ZC3H7A: variants seen among roughly 807,000 people sequenced by gnomAD.
ZC3H7A encodes the protein zinc finger CCCH domain-containing protein 7A.
ZC3H7A carries 44 observed loss-of-function variants against 125.5 expected under a neutral mutation model. The ratio of observed to expected loss-of-function variants is 0.35; its 90% CI spans 0.28 to 0.45. The LOEUF (loss-of-function observed/expected upper bound fraction) is 0.45. Among genes scored for constraint, ZC3H7A ranks in the 20% least tolerant of loss-of-function variants. The probability of loss-of-function intolerance (pLI) is 1.00; values close to 1 mark genes in which losing one functional copy is unlikely to be tolerated. For missense variants in ZC3H7A, 977 were observed against 1,170.7 expected (o/e 0.83, Z 2.41); for synonymous variants, 399 against 391.2 (o/e 1.02, Z -0.23).
intron 15 of ZC3H7A, chr16:11,764,829 C>T (rs1383871002): frequency 5.4e-6 from 2 of 370,072 alleles, no homozygotes; most frequent in African/African-American, 4.3e-5. Flanking sequence ...TCATGAGAAA[C>T]TATACATCAA....
At chr16:11,791,899 A>C (rs886758349) in intron 1 of ZC3H7A, among the ~76,000 whole-genome samples, 6 of 152,176 alleles carry the variant, frequency 3.9e-5, no homozygotes, top group African/African-American at 7.2e-5. Flanking sequence ...ATTCCAGGGA[A>C]GAAGGCACTT....
chr16:11,779,331 A>T lies in ZC3H7A; in HGVS notation c.141T>A (p.Phe47Leu). 1 of 1,613,970 alleles carries T rather than the reference A, an allele frequency of 6.2e-7. No individual in the cohort carries two copies. Among genetic ancestry groups the T allele is most frequent in the Non-Finnish European group, 8.5e-7 (1 of 1,179,966 alleles). Residue 47 changes from phenylalanine (F) to leucine (L), a missense_variant, in exon 4 of 23, where the codon TTT becomes TTA. Transcript: ENST00000355758. ...CCCGATAAACGTCATTTCCTTCATT[A>T]AAAAGATTTCTCACGAGAGCACGCA... ...VYLRALVRNL[F>L]NEGNDVYREH...
At chr16:11,769,630 G>A (rs193287669) in intron 10 of ZC3H7A, among the ~76,000 whole-genome samples, 7 of 137,996 alleles carry the variant, frequency 5.1e-5, no homozygotes, top group East Asian at 2.4e-4. Context: ...AGAATCGCTT[G>A]AACCCAAGAG....
chr16:11,770,840 A>C lies in ZC3H7A; in HGVS notation c.1051T>G (p.Ser351Ala). 1 of 1,614,214 alleles carries C rather than the reference A, an allele frequency of 6.2e-7. No homozygotes were observed. Among genetic ancestry groups the C allele is most frequent in the Non-Finnish European group, 8.5e-7 (1 of 1,180,034 alleles). ...AAAGAAGAACAAAAATCTTCTAAGG[A>C]TGAAGTCAAAGGTGGATAAAATTCT... ...FSEFYPPLTS[S>A]LEDFCSSLNS... Residue 351 changes from serine (S) to alanine (A), a missense_variant, in exon 10 of 23, where the codon TCC becomes GCC. Physicochemically the swap from Ser to Ala is moderately conservative, Grantham distance 99. Coordinates refer to ENST00000355758, the MANE Select transcript of ZC3H7A (RefSeq NM_014153.4).
Position 11,758,477 on chromosome 16 carries a change from A to G in ZC3H7A, c.2382T>C (p.His794=). 6.2e-7 allele frequency: 1 copy of G among 1,613,926 alleles called. No individual in the cohort carries two copies. The highest frequency in any genetic ancestry group is 1.1e-5 in the South Asian group (1 of 91,070). The change falls in exon 20 of 23, where the codon CAT becomes CAC. Residue 794 remains histidine, a synonymous_variant. Coordinates refer to ENST00000355758, the MANE Select transcript of ZC3H7A (RefSeq NM_014153.4). ...CQYVGNCSFA[H]SPEEREVWTY... ...TCCAAACTTCTCTTTCCTCAGGACTATGAGCAAAGGAACAGTTTCCAACAT... is the reference window on the plus strand; with the variant it reads ...TCCAAACTTCTCTTTCCTCAGGACTGTGAGCAAAGGAACAGTTTCCAACAT...
chr16:11,762,501 T>G (rs531326747), intron 17 of ZC3H7A, among the ~76,000 whole-genome samples, 170 bp downstream of exon 17: 1 of 152,212 alleles, frequency 6.6e-6, no homozygotes. Context: ...AATTTTTTTA[T>G]GATGATCAAC....
intron 4 of ZC3H7A, among the ~76,000 whole-genome samples, chr16:11,777,637 CT>C (rs2053103967): frequency 6.6e-6 from 1 of 152,030 alleles, no homozygotes; most frequent in Non-Finnish European, 1.5e-5. Flanking sequence ...AGGAAAATCA[CT>C]TGAACCCAGG....
At chr16:11,791,373 A>G (rs563333797) in intron 1 of ZC3H7A, among the ~76,000 whole-genome samples, 1 of 152,156 alleles carries the variant, frequency 6.6e-6, no homozygotes, top group East Asian at 1.9e-4. Context: ...TACACTTCCC[A>G]GCTCTTCACA....
At chr16:11,758,677 C>G (rs1384077606) in intron 19 of ZC3H7A, 138 bp from the exon 20 acceptor site, 1 of 622,678 alleles carries the variant, frequency 1.6e-6, no homozygotes, top group Non-Finnish European at 2.8e-6. Context: ...TAATTTGACT[C>G]TACTCAAATT....
At chr16:11,769,196 T>G in intron 10 of ZC3H7A, 101 bp from the exon 11 acceptor site, 1 of 968,752 alleles carries the variant, frequency 1.0e-6, no homozygotes, top group Non-Finnish European at 1.5e-6. Context: ...CACGCTATTC[T>G]CCCGTCCCAG....
intron 9 of ZC3H7A, among the ~76,000 whole-genome samples, chr16:11,773,837 T>C (rs538541996): frequency 6.7e-6 from 1 of 149,286 alleles, no homozygotes; most frequent in African/African-American, 2.6e-5. Flanking sequence ...GAGCCAAGAC[T>C]GCGCCACTGC....
At position 11,764,763 on chromosome 16, in the gene ZC3H7A, T is replaced by C. The variant is rs554357906; in HGVS notation, c.1820+290A>G. On this transcript the variant is annotated intron_variant, in intron 15 of 22. Transcript: ENST00000355758. ...AAAACCAAATCACTACATGCAATTG[T>C]TGAATTAATTGGGGGGGGTACTTAT... is the stretch of plus-strand genomic sequence containing the variant. Among the ~76,000 whole-genome samples, 64 of 152,144 alleles carry C rather than the reference T, an allele frequency of 4.2e-4. 1 individual carries two copies. In the South Asian group the frequency reaches 0.011, roughly 27 times the overall value.
chr16:11,757,806 C>T (rs2052678382), intron 20 of ZC3H7A, among the ~76,000 whole-genome samples: 1 of 152,140 alleles, frequency 6.6e-6, no homozygotes, highest in African/African-American at 2.4e-5. Context: ...ACATGGCAGG[C>T]AACAGTCAAA....
intron 9 of ZC3H7A, among the ~76,000 whole-genome samples, chr16:11,771,862 C>G (rs755130682): frequency 6.6e-6 from 1 of 152,076 alleles, no homozygotes; most frequent in African/African-American, 2.4e-5. Context: ...CTTCCTTATG[C>G]TTCCCTGCCC....
At chr16:11,774,927 C>T in intron 8 of ZC3H7A, 53 bp downstream of exon 8, 7 of 1,574,758 alleles carry the variant, frequency 4.4e-6, no homozygotes, top group Non-Finnish European at 6.1e-6. Flanking sequence ...ACAAAGACAT[C>T]AGGTACAAAG....
chr16:11,792,905 C>T (rs567664881), intron 1 of ZC3H7A, among the ~76,000 whole-genome samples: 2 of 152,230 alleles, frequency 1.3e-5, no homozygotes, highest in South Asian at 4.1e-4. Flanking sequence ...CACTTTAAAG[C>T]CATTCAGGAG....
intron 19 of ZC3H7A, among the ~76,000 whole-genome samples, chr16:11,760,052 G>C (rs2052718793): frequency 6.7e-6 from 1 of 150,322 alleles, no homozygotes; most frequent in African/African-American, 2.5e-5. Flanking sequence ...CCAGGAGGTG[G>C]AGGTGGAGGC....
intron 10 of ZC3H7A, among the ~76,000 whole-genome samples, chr16:11,770,460 C>A (rs2052960568): frequency 6.6e-6 from 1 of 152,220 alleles, no homozygotes; most frequent in Admixed American, 6.5e-5. Flanking sequence ...GTCTCTCAGA[C>A]CCTTTAAGAT....
At chr16:11,776,164 AAAAT>A (rs778277861) in intron 7 of ZC3H7A, among the ~76,000 whole-genome samples, 152 bp downstream of exon 7, 2 of 152,188 alleles carry the variant, frequency 1.3e-5, no homozygotes, top group Non-Finnish European at 2.9e-5. Context: ...CTGTCTCAAA[AAAAT>A]AAATAAAGTG....
Sources: allele counts gnomAD v4.1 joint callset (sites outside exome capture counted in the v4.1 genomes callset), GRCh38; gene constraint gnomAD v4.1.1; transcripts MANE v1.5; gene names NCBI Gene and HGNC (gene_info 2026-07-23, HGNC 2026-07-21).